The following DPH6 variants were observed in gnomAD, a reference collection of about 807,000 sequenced individuals.
DPH6 encodes the protein diphthamine biosynthesis 6, also known as diphthine--ammonia ligase.
Under a neutral mutation model 38.2 loss-of-function variants are expected in DPH6, and 33 were observed. The observed-to-expected ratio is 0.86, with a 90% confidence interval of 0.65 to 1.15. The LOEUF (loss-of-function observed/expected upper bound fraction) is 1.15, where lower values mean the gene tolerates loss of function less well. DPH6 is among the 50% of genes most tolerant of loss of function. The probability of loss-of-function intolerance (pLI) is 0.00; values close to 1 mark genes in which losing one functional copy is unlikely to be tolerated. For missense variants in DPH6, 325 were observed against 320.0 expected (o/e 1.02, Z -0.12); for synonymous variants, 108 against 103.0 (o/e 1.05, Z -0.30).
At chr15:35,491,446 C>T (rs943405637) in intron 3 of DPH6, among the ~76,000 whole-genome samples, 1 of 151,632 alleles carries the variant, frequency 6.6e-6, no homozygotes, top group African/African-American at 2.4e-5. Flanking sequence ...CTCATGAATA[C>T]TTCCTTAGTG....
intron 3 of DPH6, among the ~76,000 whole-genome samples, chr15:35,301,449 A>G (rs1325146786): frequency 6.6e-6 from 1 of 152,230 alleles, no homozygotes; most frequent in Non-Finnish European, 1.5e-5. Flanking sequence ...CATCTTGCTC[A>G]GTGACTTTTC....
chr15:35,529,684 T>C (rs1341269479), intron 3 of DPH6, among the ~76,000 whole-genome samples: 1 of 152,160 alleles, frequency 6.6e-6, no homozygotes, highest in Non-Finnish European at 1.5e-5. Context: ...CTCATACATG[T>C]TTTTACTTTC....
At chr15:35,147,988 C>A in the DPH6 span, among the ~76,000 whole-genome samples, 1 of 152,176 alleles carries the variant, frequency 6.6e-6, no homozygotes, top group East Asian at 1.9e-4. Context: ...AGGAGAACAG[C>A]AATCTAGAAA....
Position 35,239,943 on chromosome 15 carries a change from C to T in DPH6, n.201-19361G>A, listed in dbSNP as rs949849434. ...TCTCTGTGCCCCAATCCCTTATTTC[C>T]GTGCCCTAACCCCTTCTCTGCTTTT... is the stretch of plus-strand genomic sequence containing the variant. On this transcript the variant is annotated intron_variant and non_coding_transcript_variant, in intron 3 of 3. Transcript: ENST00000560386. Among the ~76,000 whole-genome samples the T allele has an allele frequency of 1.5e-4, 21 of 141,220 alleles. 2 individuals carry two copies. The highest frequency in any genetic ancestry group is 2.6e-4 in the African/African-American group (10 of 39,138). The allele number at this position is 141,220 out of a possible 152,430, so 92.6% of individuals were successfully genotyped here.
chr15:35,171,379 T>G, the DPH6 span, among the ~76,000 whole-genome samples: 1 of 152,338 alleles, frequency 6.6e-6, no homozygotes, highest in East Asian at 1.9e-4. Context: ...GATCTGCTAG[T>G]ATTCCAGAAA....
At chr15:35,524,814 T>C (rs1359645175) in intron 3 of DPH6, among the ~76,000 whole-genome samples, 4 of 152,132 alleles carry the variant, frequency 2.6e-5, no homozygotes, top group Non-Finnish European at 5.9e-5. Flanking sequence ...GCAATCAATA[T>C]AAAGAGGAAA....
In DPH6 at chr15:35,311,082, A is replaced by ACAACAAC. The variant is rs111481052; in HGVS notation, n.200+62438_200+62439insGTTGTTG. ...CTCAAAAACAACAACAACAACAACAAAAAAAAAAACCCAAAAAAACCAGAT... is the reference window on the plus strand; with the variant it reads ...CTCAAAAACAACAACAACAACAACAACAACAACAAAAAAAAACCCAAAAAAACCAGAT... On this transcript the variant is annotated intron_variant and non_coding_transcript_variant, in intron 3 of 3. Coordinates refer to the DPH6 transcript ENST00000560386. Among the ~76,000 whole-genome samples the ACAACAAC allele has an allele frequency of 5.3e-3, 778 of 148,188 alleles. 4 individuals are homozygous for ACAACAAC. Among genetic ancestry groups the ACAACAAC allele is most frequent in the African/African-American group, 0.019 (745 of 40,124 alleles).
chr15:35,515,873 G>A (rs2054839616), intron 3 of DPH6, among the ~76,000 whole-genome samples: 1 of 152,054 alleles, frequency 6.6e-6, no homozygotes, highest in Admixed American at 6.6e-5. Flanking sequence ...ACTCCAGCCT[G>A]GACAACAAAG....
chr15:35,149,180 T>G, the DPH6 span, among the ~76,000 whole-genome samples: 1 of 152,238 alleles, frequency 6.6e-6, no homozygotes, highest in South Asian at 2.1e-4. Context: ...AAAACTAAAC[T>G]AAACTGAAAG....
the DPH6 span, among the ~76,000 whole-genome samples, chr15:35,158,330 C>T: frequency 1.3e-5 from 2 of 152,062 alleles, no homozygotes; most frequent in Non-Finnish European, 2.9e-5. Context: ...TCAGTATTTG[C>T]ATTGCTGTCT....
At chr15:35,358,849 T>C (rs1444781358) in intron 3 of DPH6, among the ~76,000 whole-genome samples, 1 of 152,118 alleles carries the variant, frequency 6.6e-6, no homozygotes, top group East Asian at 1.9e-4. Flanking sequence ...TCAATTTTTG[T>C]GTTGGTTGGC....
At chr15:35,177,428 T>TAATAAA in the DPH6 span, among the ~76,000 whole-genome samples, 5,661 of 150,568 alleles carry the variant, frequency 0.038, 328 homozygotes, top group East Asian at 0.3. Flanking sequence ...ATAATAATAA[T>TAATAAA]AATAAAAATT....
intron 3 of DPH6, among the ~76,000 whole-genome samples, chr15:35,296,203 T>C (rs2140792806): frequency 6.6e-6 from 1 of 152,298 alleles, no homozygotes; most frequent in South Asian, 2.1e-4. Context: ...CCTCCCAAAG[T>C]GCCAGGATTA....
chr15:35,474,212 A>T (rs1048509896), intron 3 of DPH6, among the ~76,000 whole-genome samples: 1 of 152,080 alleles, frequency 6.6e-6, no homozygotes, highest in African/African-American at 2.4e-5. Flanking sequence ...TGCTTTCTAA[A>T]CCAAGTTAAA....
rs558106586 is a variant in DPH6 at position 35,465,427 on chromosome 15, C to T, written c.313-10607G>A. ...TGTGAATGCCAACGACGTTCTAGGG[C>T]CTGGATAACTAAGCGAGAAATTTAT... On this transcript the variant is annotated intron_variant, in intron 3 of 8. Transcript: ENST00000256538. 2.8e-4 allele frequency among the ~76,000 whole-genome samples: 42 copies of T among 152,212 alleles called. No individual in the cohort carries two copies. The South Asian group carries it at 8.3e-3, about 30-fold the overall frequency.
chr15:35,314,735 T>C (rs890437207), intron 3 of DPH6, among the ~76,000 whole-genome samples: 13 of 152,182 alleles, frequency 8.5e-5, no homozygotes, highest in African/African-American at 3.1e-4. Context: ...AAAAGCTAGA[T>C]AAGTGGGTGC....
chr15:35,200,650 A>G, the DPH6 span, among the ~76,000 whole-genome samples: 3 of 152,002 alleles, frequency 2.0e-5, no homozygotes, highest in Non-Finnish European at 4.4e-5. Context: ...CTAATTATAT[A>G]CCATAAAGGA....
At chr15:35,451,870 C>T (rs977674440) in intron 4 of DPH6, among the ~76,000 whole-genome samples, 1 of 152,146 alleles carries the variant, frequency 6.6e-6, no homozygotes, top group Non-Finnish European at 1.5e-5. Flanking sequence ...ATTAGCCAGG[C>T]ATGGTGGCGG....
At chr15:35,381,282 A>G (rs968568231) in intron 7 of DPH6, among the ~76,000 whole-genome samples, 4 of 152,220 alleles carry the variant, frequency 2.6e-5, no homozygotes, top group Non-Finnish European at 4.4e-5. Context: ...TCACTACACT[A>G]ATTTTAACAA....
Sources: allele counts gnomAD v4.1 joint callset (sites outside exome capture counted in the v4.1 genomes callset), GRCh38; gene constraint gnomAD v4.1.1; transcripts MANE v1.5; gene names NCBI Gene and HGNC (gene_info 2026-07-23, HGNC 2026-07-21).